Variants in LRRFIP1 observed in about 807,000 individuals in gnomAD.
LRRFIP1 encodes the protein leucine-rich repeat flightless-interacting protein 1.
A neutral mutation model predicts 104.4 loss-of-function variants in LRRFIP1; 62 were observed. That is an observed-to-expected ratio of 0.59 (90% CI 0.48 to 0.73). The LOEUF (loss-of-function observed/expected upper bound fraction) is 0.73. Ranked by LOEUF, LRRFIP1 falls within the 30% of genes least tolerant of loss-of-function variation. The pLI is 0.00. For missense variants in LRRFIP1, 796 were observed against 824.5 expected, an observed-to-expected ratio of 0.97 and a Z score of 0.42; for synonymous variants, 300 against 299.0, an observed-to-expected ratio of 1.00 and a Z score of -0.03.
chr2:237,758,889 T>G, intron 18 of LRRFIP1, 68 bp downstream of exon 18: 8 of 1,076,892 alleles, frequency 7.4e-6, no homozygotes, highest in Non-Finnish European at 9.7e-6. Context: ...CAGCAAATTT[T>G]GGGATGCTGT....
At position 237,735,012 on chromosome 2, in the gene LRRFIP1, T is replaced by G. The variant is rs2150373988; in HGVS notation, c.490-256T>G. Among the ~76,000 whole-genome samples, 1 of 152,246 alleles carries G rather than the reference T, an allele frequency of 6.6e-6. No homozygotes were observed. ...CTTAGGCCTGGGATGTTTTCCAAAG[T>G]AATAGATTTAAATGGTCTGTTGGAG... On this transcript the variant is annotated intron_variant, in intron 9 of 23. Coordinates refer to ENST00000308482, the MANE Select transcript of LRRFIP1 (RefSeq NM_001137550.2). The surrounding 1 kb of genome is among the most constrained non-coding windows in gnomAD (Gnocchi z 4.6).
At chr2:237,728,119 T>A (rs1227625794) in intron 8 of LRRFIP1, among the ~76,000 whole-genome samples, 184 bp downstream of exon 8, 3 of 152,192 alleles carry the variant, frequency 2.0e-5, no homozygotes, top group Admixed American at 1.3e-4. Flanking sequence ...TAGCAAACAT[T>A]CTGAGAATGT....
intron 1 of LRRFIP1, among the ~76,000 whole-genome samples, chr2:237,642,107 TCAGTGTTTCCA>T (rs1178191254): frequency 6.6e-6 from 1 of 152,200 alleles, no homozygotes; most frequent in Non-Finnish European, 1.5e-5. Context: ...TCTCTGAGTC[TCAGTGTTTCCA>T]CCTGGCAAGG....
chr2:237,772,714 T>C (rs2150926273), intron 21 of LRRFIP1, 152 bp from the exon 22 acceptor site: 3 of 623,074 alleles, frequency 4.8e-6, no homozygotes, highest in Middle Eastern at 4.0e-4. Flanking sequence ...TGCCTTCTCC[T>C]ACTCTCAGCT....
intron 1 of LRRFIP1, among the ~76,000 whole-genome samples, chr2:237,639,318 G>A (rs1030720970): frequency 4.6e-5 from 7 of 152,216 alleles, no homozygotes; most frequent in Admixed American, 1.3e-4. Flanking sequence ...GAATAAAAGC[G>A]CGAATGGCTG....
At chr2:237,720,727 G>A (rs780067431) in intron 5 of LRRFIP1, 45 bp from the exon 6 acceptor site, 6 of 1,570,904 alleles carry the variant, frequency 3.8e-6, no homozygotes, top group South Asian at 3.3e-5. Flanking sequence ...CTTCATGTAT[G>A]TTGTATGATT....
chr2:237,719,582 C>T lies in LRRFIP1; in HGVS notation c.294+15C>T. 1 of 1,602,074 alleles carries T rather than the reference C, an allele frequency of 6.2e-7. No homozygotes were observed. Among genetic ancestry groups the T allele is most frequent in the Non-Finnish European group, 8.5e-7 (1 of 1,170,812 alleles). On this transcript the variant is annotated intron_variant, in intron 5 of 23. Transcript: ENST00000308482. ...GAAACACATCGGTTAGTACCGTGTT[C>T]ATTCATTACTTGGGCAATTTGATTG...
Position 237,691,625 on chromosome 2 carries a change from G to C in LRRFIP1, c.97-16919G>C, listed in dbSNP as rs561694734. Among the ~76,000 whole-genome samples, 1 of 152,174 alleles carries C rather than the reference G, an allele frequency of 6.6e-6. No individual in the cohort carries two copies. The highest frequency in any genetic ancestry group is 1.5e-5 in the Non-Finnish European group (1 of 68,034). ...CTTCCGCGTCCAGGAAGCTCAGCGT[G>C]GCCTGAGGGTGATGGATGTGGGGGA... On this transcript the variant is annotated intron_variant, in intron 1 of 23. Transcript: ENST00000308482. The surrounding 1 kb of genome is among the most constrained non-coding windows in gnomAD (Gnocchi z 5.4).
intron 9 of LRRFIP1, among the ~76,000 whole-genome samples, chr2:237,734,344 G>A (rs117827560): frequency 0.038 from 5,185 of 135,624 alleles, 109 homozygotes; most frequent in South Asian, 0.11. Context: ...GCAAGGGCAC[G>A]ATCTCGGCTC....
At chr2:237,690,650 T>C (rs1277569269) in intron 1 of LRRFIP1, among the ~76,000 whole-genome samples, 1 of 150,084 alleles carries the variant, frequency 6.7e-6, no homozygotes, top group Non-Finnish European at 1.5e-5. Context: ...GGCAGGAGAA[T>C]CGCTGGAACC....
At chr2:237,764,017 C>T in intron 19 of LRRFIP1, 1 of 1,614,138 alleles carries the variant, frequency 6.2e-7, no homozygotes, top group Admixed American at 1.7e-5. Flanking sequence ...ACAGCAATAG[C>T]CTAGAGAACG....
At chr2:237,673,225 CCACCAGGCGG>C (rs1325279893) in intron 1 of LRRFIP1, among the ~76,000 whole-genome samples, 1 of 152,228 alleles carries the variant, frequency 6.6e-6, no homozygotes, top group African/African-American at 2.4e-5. Context: ...CTCTAAGTCA[CCACCAGGCGG>C]CATAACAGAC....
At position 237,758,783 on chromosome 2, in the gene LRRFIP1, C is replaced by T; in HGVS notation, c.1279C>T (p.Leu427Phe). The change falls in exon 18 of 24, where the codon CTT becomes TTT. Residue 427 changes from leucine (L) to phenylalanine (F), a missense_variant. Leu to Phe is a conservative substitution (Grantham distance 22). Transcript: ENST00000308482. Reference protein sequence around the residue: ...FDSVRSERDDLREEVVMLKEE... With the variant: ...FDSVRSERDDFREEVVMLKEE... The stretch of plus-strand genomic sequence containing the variant: ...TTCCGTAAGGAGTGAACGGGATGAT[C>T]TTAGAGAAGAAGTAGTCATGCTGAA... 1 of 1,613,068 alleles carries T rather than the reference C, an allele frequency of 6.2e-7. No homozygotes were observed. Among genetic ancestry groups the T allele is most frequent in the Non-Finnish European group, 8.5e-7 (1 of 1,179,594 alleles).
chr2:237,708,818 GT>G (rs2093942999), intron 2 of LRRFIP1, 188 bp downstream of exon 2: 1 of 728,280 alleles, frequency 1.4e-6, no homozygotes, highest in Non-Finnish European at 2.5e-6. Context: ...GATACCAGGC[GT>G]GCCTGCTCAG....
intron 1 of LRRFIP1, among the ~76,000 whole-genome samples, chr2:237,655,626 C>T (rs781462447): frequency 6.6e-6 from 1 of 152,296 alleles, no homozygotes; most frequent in Middle Eastern, 3.4e-3. Context: ...GACTACATCT[C>T]CTGAATCCAC....
At chr2:237,687,016 C>T (rs367846430) in intron 1 of LRRFIP1, among the ~76,000 whole-genome samples, 8 of 152,196 alleles carry the variant, frequency 5.3e-5, no homozygotes, top group African/African-American at 1.4e-4. Flanking sequence ...GTTGAGTCCA[C>T]GTGATGACTT....
chr2:237,758,483 G>A (rs577998735), intron 17 of LRRFIP1, among the ~76,000 whole-genome samples: 70 of 152,204 alleles, frequency 4.6e-4, no homozygotes, highest in Non-Finnish European at 7.3e-4. Context: ...GCCCCGTGCT[G>A]TGTCCGTGTG....
chr2:237,765,042 AC>A, intron 19 of LRRFIP1: 1 of 864,508 alleles, frequency 1.2e-6, no homozygotes, highest in Non-Finnish European at 1.4e-6. Flanking sequence ...CAGGTGGATC[AC>A]CTGAGGTCAA....
intron 1 of LRRFIP1, among the ~76,000 whole-genome samples, chr2:237,702,138 T>G (rs2093570029): frequency 6.6e-6 from 1 of 152,188 alleles, no homozygotes; most frequent in Admixed American, 6.5e-5. Flanking sequence ...GTCATACTTG[T>G]GCTTCCTCGT....
Sources: gnomAD v4.1 joint callset for allele counts (sites outside exome capture counted in the v4.1 genomes callset) on GRCh38, gnomAD v4.1.1 for gene constraint, Gnocchi (gnomAD v3.1) non-coding constraint, MANE v1.5 for transcripts, NCBI Gene and HGNC (gene_info 2026-07-23, HGNC 2026-07-21) for gene names.